LARP1B: variants seen among roughly 807,000 people sequenced by gnomAD.
The protein encoded by LARP1B is La ribonucleoprotein 1B.
LARP1B carries 76 observed loss-of-function variants against 114.2 expected under a neutral mutation model. The ratio of observed to expected loss-of-function variants is 0.67; its 90% confidence interval spans 0.55 to 0.81. The LOEUF is 0.81. LARP1B is among the 30% of genes least tolerant of loss of function. The pLI is 0.00. For synonymous variants in LARP1B, 345 were observed against 348.0 expected, an observed-to-expected ratio of 0.99 and a Z score of 0.10; for missense variants, 1,014 against 1,075.8, an observed-to-expected ratio of 0.94 and a Z score of 0.80.
intron 11 of LARP1B, chr4:128,155,998 C>T: frequency 6.4e-7 from 1 of 1,554,998 alleles, no homozygotes; most frequent in Non-Finnish European, 8.7e-7. Context: ...TTGTATCTCC[C>T]TTTCCCCAGG....
intron 11 of LARP1B, among the ~76,000 whole-genome samples, chr4:128,135,145 A>AT (rs34324398): frequency 1.4e-4 from 21 of 149,886 alleles, no homozygotes; most frequent in East Asian, 9.7e-4. Context: ...AAATAAATAA[A>AT]AAGGATAACA....
rs779883149 is a variant in LARP1B, at chr4:128,082,177, A to G, written c.230A>G (p.Lys77Arg). The G allele has an allele frequency of 6.2e-7, 1 of 1,611,976 alleles. No individual in the cohort carries two copies. Among genetic ancestry groups the G allele is most frequent in the East Asian group, 2.2e-5 (1 of 44,874 alleles). ...SNQRKRANKH[K>R]WVPLHLDVVR... is the part of the protein sequence containing the mutation. ...TGTTTTCTTCAAGCTAATAAGCACA[A>G]GTGGGTACCACTCCACTTAGATGTT... Residue 77 changes from lysine to arginine, a missense_variant, in exon 5 of 20, where the codon AAG becomes AGG. Lys to Arg is a conservative substitution (Grantham distance 26, BLOSUM62 2). Coordinates refer to ENST00000326639, the MANE Select transcript of LARP1B (RefSeq NM_018078.4).
intron 9 of LARP1B, among the ~76,000 whole-genome samples, chr4:128,113,375 G>C (rs1419319610): frequency 7.0e-6 from 1 of 143,284 alleles, no homozygotes; most frequent in Non-Finnish European, 1.5e-5. Flanking sequence ...TTGAGACAGA[G>C]AGTTGCTCTG....
At chr4:128,109,863 G>T (rs1008478873) in intron 9 of LARP1B, among the ~76,000 whole-genome samples, 1 of 152,010 alleles carries the variant, frequency 6.6e-6, no homozygotes, top group African/African-American at 2.4e-5. Flanking sequence ...TACCAGAGAT[G>T]AAATGTATAT....
rs1775734202 is a variant in LARP1B at position 128,091,051 on chromosome 4, G to A, written c.409G>A (p.Val137Met). The A allele has an allele frequency of 6.2e-7, 1 of 1,613,698 alleles. No homozygotes were observed. Among genetic ancestry groups the A allele is most frequent in the African/African-American group, 1.3e-5 (1 of 74,934 alleles). ...GGATGATCAAGATGACGTTTCCAGT[G>A]TGAGAAGTGAGGGTGGTAATATCCG... Reference protein sequence around the residue: ...KRDDQDDVSSVRSEGGNIRGS... With the variant: ...KRDDQDDVSSMRSEGGNIRGS... Residue 137 changes from valine (V) to methionine (M), a missense_variant, in exon 6 of 20, where the codon GTG (valine) becomes ATG (methionine). Transcript: ENST00000326639.
In LARP1B at chr4:128,199,546, A is replaced by T; in HGVS notation, c.2111A>T (p.Glu704Val). ...FQHPSHELLKENGFTQQVYHK... is the reference protein window; with the variant it reads ...FQHPSHELLKVNGFTQQVYHK... ...CATCCTTCTCATGAACTTTTGAAGG[A>T]AAATGGCTTTACCCAACAAGTGTAC... The change falls in exon 16 of 20, where the codon GAA becomes GTA. Residue 704 changes from glutamate (E) to valine (V), a missense_variant. Physicochemically the swap from Glu to Val is moderately radical, Grantham distance 121. Transcript: ENST00000326639. 1 of 1,599,514 alleles carries T rather than the reference A, an allele frequency of 6.3e-7. No homozygotes were observed. The highest frequency in any genetic ancestry group is 8.5e-7 in the Non-Finnish European group (1 of 1,172,114).
At chr4:128,139,689 G>C (rs1248838056) in intron 11 of LARP1B, among the ~76,000 whole-genome samples, 1 of 151,944 alleles carries the variant, frequency 6.6e-6, no homozygotes, top group African/African-American at 2.4e-5. Context: ...TCAGTATACT[G>C]CTTATAAGAC....
Position 128,220,412 on chromosome 4 carries a change from T to A in LARP1B, n.906T>A, listed in dbSNP as rs894056584. ...ATCACCATGAGATGGCAAAACGGAA[T>A]GTCAGATCTGTAGACTTTTGACAGG... On this transcript the variant is annotated non_coding_transcript_exon_variant, in exon 7 of 8. Coordinates refer to the LARP1B transcript ENST00000503725. The A allele has an allele frequency of 1.5e-5, 14 of 907,846 alleles. No homozygotes were observed. In the African/African-American group the frequency reaches 2.3e-4, roughly 15 times the overall value. The allele number at this position is 907,846 out of a possible 1,614,324, so 56.2% of individuals were successfully genotyped here.
intron 8 of LARP1B, among the ~76,000 whole-genome samples, chr4:128,100,810 T>G (rs553684566): frequency 7.3e-5 from 11 of 151,656 alleles, no homozygotes; most frequent in Non-Finnish European, 1.0e-4. Context: ...CTTTTCTTTT[T>G]TTTTTTGTTT....
At chr4:128,127,506 A>G (rs940222664) in intron 11 of LARP1B, among the ~76,000 whole-genome samples, 5 of 152,208 alleles carry the variant, frequency 3.3e-5, no homozygotes, top group Non-Finnish European at 7.4e-5. Context: ...TGGAAATTTC[A>G]GGAATCCATA....
intron 11 of LARP1B, among the ~76,000 whole-genome samples, chr4:128,124,589 G>A (rs1788971690): frequency 6.6e-6 from 1 of 152,202 alleles, no homozygotes; most frequent in African/African-American, 2.4e-5. Context: ...CTTAGGTTTT[G>A]CAAAGGCAGT....
At chr4:128,094,400 C>CTTT (rs776529101) in intron 7 of LARP1B, among the ~76,000 whole-genome samples, 10 of 128,742 alleles carry the variant, frequency 7.8e-5, no homozygotes, top group Non-Finnish European at 9.9e-5. Context: ...TTTTCTTTTT[C>CTTT]TTTTTTTTTT....
chr4:128,139,182 G>A (rs1010964432), intron 11 of LARP1B, among the ~76,000 whole-genome samples: 1 of 152,062 alleles, frequency 6.6e-6, no homozygotes, highest in Non-Finnish European at 1.5e-5. Context: ...TGAGGTGATT[G>A]ATATCCCCAT....
intron 8 of LARP1B, among the ~76,000 whole-genome samples, chr4:128,101,726 T>C (rs1477200959): frequency 6.6e-6 from 1 of 152,080 alleles, no homozygotes; most frequent in African/African-American, 2.4e-5. Context: ...GTGATCTTCC[T>C]GCCTCAGCTT....
At chr4:128,170,535 CATTGGTAT>C (rs1743094500) in intron 12 of LARP1B, among the ~76,000 whole-genome samples, 1 of 152,138 alleles carries the variant, frequency 6.6e-6, no homozygotes, top group Non-Finnish European at 1.5e-5. Context: ...ACCTTATACC[CATTGGTAT>C]ATTGTGTCAT....
At chr4:128,177,362 TTA>T (rs550956268) in intron 13 of LARP1B, among the ~76,000 whole-genome samples, 146 of 152,280 alleles carry the variant, frequency 9.6e-4, no homozygotes, top group African/African-American at 3.4e-3. Context: ...CAAAAAGTTG[TTA>T]TATGAATCAA....
intron 11 of LARP1B, among the ~76,000 whole-genome samples, chr4:128,138,058 A>T (rs1250361675): frequency 6.6e-6 from 1 of 152,178 alleles, no homozygotes; most frequent in Admixed American, 6.5e-5. Flanking sequence ...AATCTGTTAT[A>T]GCATTGATCT....
chr4:128,078,643 C>T (rs970065245), intron 4 of LARP1B, among the ~76,000 whole-genome samples: 1 of 151,842 alleles, frequency 6.6e-6, no homozygotes, highest in Non-Finnish European at 1.5e-5. Context: ...TCTTTTCCCT[C>T]ATAGCATTCC....
At chr4:128,082,389 A>G in intron 5 of LARP1B, 84 bp downstream of exon 5, 1 of 1,238,554 alleles carries the variant, frequency 8.1e-7, no homozygotes. Context: ...TGTATAAACC[A>G]TTTGAGAATA....
Sources: allele counts gnomAD v4.1 joint callset (sites outside exome capture counted in the v4.1 genomes callset), GRCh38; gene constraint gnomAD v4.1.1; transcripts MANE v1.5; gene names NCBI Gene and HGNC (gene_info 2026-07-23, HGNC 2026-07-21).